Variants in NOC3L observed in about 807,000 individuals in gnomAD.
The protein encoded by NOC3L is nucleolar complex protein 3 homolog.
In NOC3L, 85 loss-of-function variants were observed where a neutral mutation model predicts 102.5. That is an observed-to-expected ratio of 0.83 (90% CI 0.70 to 0.99). NOC3L has a LOEUF of 0.99. Ranked by LOEUF, NOC3L falls within the 50% of genes least tolerant of loss-of-function variation. The pLI is 0.00. For synonymous variants in NOC3L, 303 were observed against 309.4 expected (o/e 0.98, Z 0.22); for missense variants, 878 against 914.9 (o/e 0.96, Z 0.52).
chr10:94,352,855 G>C, intron 7 of NOC3L, 41 bp downstream of exon 7: 2 of 1,543,678 alleles, frequency 1.3e-6, no homozygotes, highest in Admixed American at 1.9e-5. Context: ...AAAATGTTTA[G>C]TTATTTTAGA....
chr10:94,324,928 G>T, the NOC3L span: 5 of 1,613,990 alleles, frequency 3.1e-6, no homozygotes, highest in Non-Finnish European at 3.4e-6. Context: ...CATTTCTTTC[G>T]CAAGTGAACT....
intron 6 of NOC3L, 103 bp from the exon 7 acceptor site, chr10:94,353,160 T>C: frequency 2.2e-6 from 2 of 895,540 alleles, no homozygotes; most frequent in Admixed American, 2.4e-5. Context: ...ATTCACACAA[T>C]GACTCCAAGT....
chr10:94,316,708 TCCAGAA>T, the NOC3L span: 7 of 1,614,028 alleles, frequency 4.3e-6, no homozygotes, highest in Non-Finnish European at 5.9e-6. Flanking sequence ...GCAGCTGGTT[TCCAGAA>T]GAGGGATACA....
At chr10:94,327,790 A>G in the NOC3L span, among the ~76,000 whole-genome samples, 1 of 152,184 alleles carries the variant, frequency 6.6e-6, no homozygotes, top group Non-Finnish European at 1.5e-5. Flanking sequence ...GAAATAACCT[A>G]ATGTTCTACT....
intron 18 of NOC3L, among the ~76,000 whole-genome samples, chr10:94,338,187 T>A (rs1344723691): frequency 6.6e-6 from 1 of 152,218 alleles, no homozygotes; most frequent in African/African-American, 2.4e-5. Context: ...CACTTCTATT[T>A]TCTACAAGTC....
At chr10:94,324,431 A>G in the NOC3L span, 20 of 1,613,994 alleles carry the variant, frequency 1.2e-5, no homozygotes, top group Non-Finnish European at 1.7e-5. Flanking sequence ...GAGGTGGTGA[A>G]AGACACTACC....
chr10:94,343,084 C>CAA (rs1170755229), intron 13 of NOC3L, among the ~76,000 whole-genome samples: 8 of 94,360 alleles, frequency 8.5e-5, no homozygotes, highest in Admixed American at 3.2e-4. Flanking sequence ...ACAGTGTCTC[C>CAA]AAAAAAAAAA....
chr10:94,345,248 G>A (rs1008746073), intron 11 of NOC3L, among the ~76,000 whole-genome samples: 1 of 151,628 alleles, frequency 6.6e-6, no homozygotes. Context: ...CTGAATAGCA[G>A]ATATCTGGGA....
In NOC3L at chr10:94,334,539, A is replaced by G. The variant is rs75097844; in HGVS notation, c.2274+95T>C. ...TGAAATCCTAAACATTAAAAAAAAA[A>G]CTACCTATAAAATAATTAAGCAAAC... On this transcript the variant is annotated intron_variant, in intron 20 of 20. Transcript: ENST00000371361. The G allele has an allele frequency of 8.4e-4, 738 of 882,920 alleles. 4 individuals are homozygous for G. In the African/African-American group the frequency reaches 0.011, roughly 13 times the overall value. 54.7% of individuals were successfully genotyped at this position (882,920 alleles called of 1,614,324 possible).
intron 4 of NOC3L, 82 bp from the exon 5 acceptor site, chr10:94,356,673 G>A (rs2054489731): frequency 9.5e-6 from 8 of 843,590 alleles, no homozygotes; most frequent in Admixed American, 6.0e-5. Flanking sequence ...AGGTGATTAC[G>A]ATAAAACTCA....
At chr10:94,342,223 G>A (rs1220968084) in intron 13 of NOC3L, among the ~76,000 whole-genome samples, 1 of 152,068 alleles carries the variant, frequency 6.6e-6, no homozygotes, top group Non-Finnish European at 1.5e-5. Context: ...GTGATCCTAG[G>A]TAACTCACTT....
Position 94,334,302 on chromosome 10 carries a change from T to C in NOC3L, c.2278A>G (p.Lys760Glu), listed in dbSNP as rs1379066515. The change falls in exon 21 of 21, where the codon AAA becomes GAA. Residue 760 changes from lysine (K) to glutamate (E), a missense_variant. Transcript: ENST00000371361. Reference sequence around the variant, plus strand: ...AAAAATGAATCCCCTTGTAAAAATTTACCCTAGGAAAATATTTAAAGTATG... The same window carrying C: ...AAAAATGAATCCCCTTGTAAAAATTCACCCTAGGAAAATATTTAAAGTATG... ...VESSNPKIKG[K>E]FLQGDSFLNE... 1 of 1,582,756 alleles carries C rather than the reference T, an allele frequency of 6.3e-7. No individual in the cohort carries two copies. The highest frequency in any genetic ancestry group is 1.7e-5 in the Admixed American group (1 of 59,376).
rs990255488 is a variant in NOC3L, at chr10:94,333,259, C to T, written c.*918G>A. 2.0e-5 allele frequency: 3 copies of T among 152,156 alleles called. No individual in the cohort carries two copies. Among genetic ancestry groups the T allele is most frequent in the African/African-American group, 4.8e-5 (2 of 41,430 alleles). The allele number at this position is 152,156 out of a possible 1,614,324, so 9.4% of individuals were successfully genotyped here. A position where few individuals can be genotyped will look rare whatever the true frequency, so the allele number is the denominator to read the frequency against. On this transcript the variant is annotated 3_prime_UTR_variant, in exon 21 of 21. Coordinates refer to ENST00000371361, the MANE Select transcript of NOC3L (RefSeq NM_022451.11). ...AGAAAAAAACAGCTGTTTTATTCAA[C>T]TATTCACAATAGAGAATATTTATAA...
chr10:94,349,733 A>C (rs537048661), intron 9 of NOC3L, among the ~76,000 whole-genome samples: 12 of 151,908 alleles, frequency 7.9e-5, no homozygotes, highest in African/African-American at 2.9e-4. Flanking sequence ...AAAAAATCAC[A>C]TGGTGTATAA....
At chr10:94,349,478 A>G in intron 9 of NOC3L, 100 bp from the exon 10 acceptor site, 2 of 1,062,104 alleles carry the variant, frequency 1.9e-6, no homozygotes, top group Non-Finnish European at 2.6e-6. Context: ...CTGTCCTAGG[A>G]TGTTTAAAAG....
chr10:94,346,422 A>T lies in NOC3L; in HGVS notation c.1389+3T>A, dbSNP rs767854034. On this transcript the variant is annotated splice_donor_region_variant and intron_variant, in intron 11 of 20. Transcript: ENST00000371361. ...ATGAAACAAAAGGGGAAATAAGTCA[A>T]ACCTTTCTCTGCATTCTTGATAGAG... 2 of 1,487,872 alleles carry T rather than the reference A, an allele frequency of 1.3e-6. No individual in the cohort carries two copies. The highest frequency in any genetic ancestry group is 2.6e-5 in the East Asian group (1 of 37,798). 92.2% of individuals were successfully genotyped at this position (1,487,872 alleles called of 1,614,324 possible).
chr10:94,347,518 T>C (rs1431476663), intron 10 of NOC3L, among the ~76,000 whole-genome samples: 1 of 152,210 alleles, frequency 6.6e-6, no homozygotes, highest in Non-Finnish European at 1.5e-5. Flanking sequence ...TCTACAATTC[T>C]AAGTAAAGAT....
At chr10:94,344,115 G>A (rs569106493) in intron 13 of NOC3L, among the ~76,000 whole-genome samples, 2 of 152,160 alleles carry the variant, frequency 1.3e-5, no homozygotes, top group African/African-American at 2.4e-5. Flanking sequence ...AAACTATGAC[G>A]ATGGGCAATT....
At chr10:94,325,978 A>AACTG in the NOC3L span, among the ~76,000 whole-genome samples, 1 of 152,212 alleles carries the variant, frequency 6.6e-6, no homozygotes, top group South Asian at 2.1e-4. Flanking sequence ...AAATGCAGTA[A>AACTG]ACTGACTGCT....
Sources: allele counts gnomAD v4.1 joint callset (sites outside exome capture counted in the v4.1 genomes callset), GRCh38; gene constraint gnomAD v4.1.1; transcripts MANE v1.5; gene names NCBI Gene and HGNC (gene_info 2026-07-23, HGNC 2026-07-21).